Variants in ME1 observed in about 807,000 individuals in gnomAD.
ME1 encodes the protein malic enzyme 1.
ME1 carries 74 observed loss-of-function variants against 66.4 expected under a neutral mutation model. The ratio of observed to expected loss-of-function variants is 1.11; its 90% CI spans 0.92 to 1.35. The LOEUF is 1.35. Among genes scored for constraint, ME1 ranks in the 40% most tolerant of loss-of-function variants. The probability of loss-of-function intolerance (pLI) is 0.00; values close to 1 mark genes in which losing one functional copy is unlikely to be tolerated. For synonymous variants in ME1, 251 were observed against 235.6 expected (o/e 1.07, Z -0.60); for missense variants, 750 against 694.1 (o/e 1.08, Z -0.90).
intron 5 of ME1, among the ~76,000 whole-genome samples, chr6:83,342,833 T>C (rs1768614489): frequency 1.3e-5 from 2 of 152,124 alleles, no homozygotes; most frequent in Non-Finnish European, 2.9e-5. Flanking sequence ...ATTACAGGCA[T>C]GTGCCACCAT....
intron 1 of ME1, among the ~76,000 whole-genome samples, chr6:83,417,905 T>TA (rs1269081267): frequency 6.6e-6 from 1 of 152,230 alleles, no homozygotes; most frequent in Non-Finnish European, 1.5e-5. Flanking sequence ...TCCTTTGTAA[T>TA]ATTATGTATA....
intron 6 of ME1, among the ~76,000 whole-genome samples, chr6:83,275,464 CTTTT>C (rs767009219): frequency 8.4e-6 from 1 of 119,716 alleles, no homozygotes; most frequent in Admixed American, 8.5e-5. Context: ...TAGTTTTGAT[CTTTT>C]TTTTTTTTTT....
chr6:83,355,405 A>G (rs1388349372), intron 3 of ME1, among the ~76,000 whole-genome samples: 2 of 152,104 alleles, frequency 1.3e-5, no homozygotes, highest in Non-Finnish European at 1.5e-5. Context: ...TGGTTTCAGG[A>G]AACACCATTT....
chr6:83,274,194 T>A (rs900294561), intron 6 of ME1, among the ~76,000 whole-genome samples: 3 of 152,208 alleles, frequency 2.0e-5, no homozygotes, highest in African/African-American at 7.2e-5. Context: ...ACTATATTGA[T>A]AAGTGTTCAT....
intron 11 of ME1, among the ~76,000 whole-genome samples, chr6:83,225,014 C>A (rs1790163974): frequency 6.6e-6 from 1 of 151,410 alleles, no homozygotes; most frequent in African/African-American, 2.4e-5. Flanking sequence ...CCAGCCTGGC[C>A]AACATGGTGA....
intron 5 of ME1, among the ~76,000 whole-genome samples, chr6:83,342,375 G>T (rs1209905969): frequency 1.3e-5 from 2 of 152,172 alleles, no homozygotes; most frequent in Admixed American, 6.6e-5. Flanking sequence ...AACTGTCAGA[G>T]AATTGGTTTG....
At chr6:83,379,663 G>T (rs977447499) in intron 3 of ME1, among the ~76,000 whole-genome samples, 3 of 151,878 alleles carry the variant, frequency 2.0e-5, no homozygotes, top group South Asian at 4.1e-4. Context: ...TTTAGTTGAT[G>T]AGTCAGATGA....
At chr6:83,355,909 A>G (rs1019615778) in intron 3 of ME1, among the ~76,000 whole-genome samples, 5 of 152,180 alleles carry the variant, frequency 3.3e-5, no homozygotes, top group Admixed American at 3.3e-4. Context: ...TTAATTTTAG[A>G]CATGCCAACT....
chr6:83,211,093 G>A lies in ME1; in HGVS notation c.*831C>T, dbSNP rs932299247. The A allele has an allele frequency of 1.3e-5, 2 of 152,110 alleles. No homozygotes were observed. The highest frequency in any genetic ancestry group is 4.8e-5 in the African/African-American group (2 of 41,418). 9.4% of individuals were successfully genotyped at this position (152,110 alleles called of 1,614,324 possible). On this transcript the variant is annotated 3_prime_UTR_variant, in exon 14 of 14. Transcript: ENST00000369705. ...GTTCCTCAGGCAGCCCTTTCTCAAG[G>A]ATCTTAACTATATACTCTCCTTTCA...
At chr6:83,366,613 A>C (rs1158746677) in intron 3 of ME1, among the ~76,000 whole-genome samples, 1 of 152,190 alleles carries the variant, frequency 6.6e-6, no homozygotes, top group African/African-American at 2.4e-5. Context: ...CCTAGGATGA[A>C]GAACACTGAG....
chr6:83,274,531 T>A (rs1038641481), intron 6 of ME1, among the ~76,000 whole-genome samples: 3 of 152,228 alleles, frequency 2.0e-5, no homozygotes, highest in Admixed American at 2.0e-4. Context: ...TTGTTTCAGT[T>A]CTTCTATTTA....
intron 6 of ME1, among the ~76,000 whole-genome samples, chr6:83,299,751 T>C (rs2128536462): frequency 6.6e-6 from 1 of 152,276 alleles, no homozygotes; most frequent in South Asian, 2.1e-4. Context: ...CATAAATGGC[T>C]CTTATTATTT....
intron 3 of ME1, among the ~76,000 whole-genome samples, chr6:83,369,244 C>A (rs1212951708): frequency 1.3e-5 from 2 of 152,048 alleles, no homozygotes; most frequent in African/African-American, 4.8e-5. Flanking sequence ...CCAAAGAGGA[C>A]ATTTCATTGG....
chr6:83,283,227 C>CAAAAAAAAAAAAAAAAA (rs71545854), intron 6 of ME1, among the ~76,000 whole-genome samples: 427 of 28,614 alleles, frequency 0.015, 6 homozygotes, highest in Admixed American at 0.022. Context: ...GACTCCGTCT[C>CAAAAAAAAAAAAAAAAA]AAAAAAAAAA....
chr6:83,303,041 A>C (rs952246374), intron 6 of ME1, among the ~76,000 whole-genome samples: 2 of 152,190 alleles, frequency 1.3e-5, no homozygotes, highest in African/African-American at 4.8e-5. Context: ...TGGATCAAGG[A>C]CATGATAGAG....
rs768960090 is a variant in ME1, at chr6:83,223,809, G to A, written c.1400C>T (p.Ala467Val). 2.7e-5 allele frequency: 43 copies of A among 1,613,694 alleles called. No individual in the cohort carries two copies. Among genetic ancestry groups the A allele is most frequent in the Admixed American group, 5.0e-5 (3 of 59,978 alleles). The change falls in exon 12 of 14, where the codon GCG becomes GTG. Residue 467 changes from alanine to valine, a missense_variant. Ala to Val is a moderately conservative substitution (Grantham distance 64). Coordinates refer to ENST00000369705, the MANE Select transcript of ME1 (RefSeq NM_002395.6). ...VFPGVALGVV[A>V]CGLRQITDNI... ...ATCTGTGATCTGCCTCAATCCACAC[G>A]CCACAACACCAAGAGCAACTCCAGG...
intron 5 of ME1, among the ~76,000 whole-genome samples, chr6:83,330,201 T>G (rs1243830403): frequency 6.6e-6 from 1 of 152,214 alleles, no homozygotes; most frequent in Non-Finnish European, 1.5e-5. Flanking sequence ...GATGTAACTA[T>G]TCCTCATTCT....
intron 6 of ME1, among the ~76,000 whole-genome samples, chr6:83,288,382 G>C (rs1386846861): frequency 2.0e-5 from 3 of 152,132 alleles, no homozygotes; most frequent in Non-Finnish European, 4.4e-5. Context: ...TGGCTACCCA[G>C]TTTTCCCAAC....
intron 5 of ME1, among the ~76,000 whole-genome samples, chr6:83,333,039 T>A (rs1057084034): frequency 6.6e-6 from 1 of 152,196 alleles, no homozygotes; most frequent in African/African-American, 2.4e-5. Flanking sequence ...GGCAAGTGTA[T>A]CTTTATGGCA....
Sources: allele counts gnomAD v4.1 joint callset (sites outside exome capture counted in the v4.1 genomes callset), GRCh38; gene constraint gnomAD v4.1.1; transcripts MANE v1.5; gene names NCBI Gene and HGNC (gene_info 2026-07-23, HGNC 2026-07-21).